The following MYO9A variants were observed in gnomAD, a reference collection of about 807,000 sequenced individuals.
MYO9A encodes the protein unconventional myosin-IXa.
MYO9A carries 103 observed loss-of-function variants against 293.3 expected under a neutral mutation model. That is an observed-to-expected ratio of 0.35 (90% CI 0.30 to 0.41). MYO9A has a LOEUF of 0.41. Ranked by LOEUF, MYO9A falls within the 10% of genes least tolerant of loss-of-function variation. MYO9A has a pLI of 1.00. For missense variants in MYO9A, 2,685 were observed against 3,033.0 expected (o/e 0.89, Z 2.69); for synonymous variants, 1,001 against 1,035.7 (o/e 0.97, Z 0.64).
chr15:71,881,375 G>A (rs980763387), intron 28 of MYO9A, among the ~76,000 whole-genome samples: 1 of 151,808 alleles, frequency 6.6e-6, no homozygotes, highest in African/African-American at 2.4e-5. Context: ...GGTATATCCT[G>A]ATTCTATCCA....
chr15:72,005,485 A>G (rs1461282373), intron 8 of MYO9A, among the ~76,000 whole-genome samples: 1 of 152,220 alleles, frequency 6.6e-6, no homozygotes, highest in Non-Finnish European at 1.5e-5. Flanking sequence ...CTTGACTAAA[A>G]TATCACCTGA....
chr15:72,071,566 C>A (rs1458469769), intron 1 of MYO9A, among the ~76,000 whole-genome samples: 1 of 152,044 alleles, frequency 6.6e-6, no homozygotes, highest in East Asian at 1.9e-4. Context: ...CATGGTGAAA[C>A]CCCGTCTCTA....
intron 1 of MYO9A, among the ~76,000 whole-genome samples, chr15:72,078,702 A>G (rs2150329203): frequency 6.6e-6 from 1 of 152,278 alleles, no homozygotes; most frequent in South Asian, 2.1e-4. Context: ...CGGTAGCTTT[A>G]TTTATGATTG....
At chr15:71,953,336 A>G (rs2059097937) in intron 14 of MYO9A, among the ~76,000 whole-genome samples, 2 of 152,206 alleles carry the variant, frequency 1.3e-5, no homozygotes, top group Non-Finnish European at 2.9e-5. Flanking sequence ...CCAGTTGAGG[A>G]AAAAACACCC....
At chr15:71,886,377 A>T (rs2057021289) in intron 27 of MYO9A, among the ~76,000 whole-genome samples, 1 of 151,992 alleles carries the variant, frequency 6.6e-6, no homozygotes, top group South Asian at 2.1e-4. Flanking sequence ...AAACTCTTTG[A>T]ACCATTTGCT....
At chr15:71,948,210 G>T (rs1166411753) in intron 15 of MYO9A, among the ~76,000 whole-genome samples, 1 of 152,172 alleles carries the variant, frequency 6.6e-6, no homozygotes, top group Non-Finnish European at 1.5e-5. Flanking sequence ...AATAATGTCA[G>T]ATTTTTTACT....
chr15:71,828,447 T>C (rs961881027), intron 40 of MYO9A, among the ~76,000 whole-genome samples: 2 of 152,214 alleles, frequency 1.3e-5, no homozygotes, highest in African/African-American at 2.4e-5. Context: ...CTAAGATTCC[T>C]TCCAGCTCTT....
At chr15:71,838,271 G>A (rs138298832) in intron 39 of MYO9A, among the ~76,000 whole-genome samples, 2 of 152,064 alleles carry the variant, frequency 1.3e-5, no homozygotes, top group African/African-American at 4.8e-5. Context: ...CTTATGGTAC[G>A]TCACTTCCCT....
At position 72,054,871 on chromosome 15, in the gene MYO9A, C is replaced by T. The variant is rs145596984; in HGVS notation, c.-71-8237G>A. ...AAGCAAGACTAAATGAGATTAAGGT[C>T]AAAGGTGGACAGATGTCTCTCAGAA... is the stretch of plus-strand genomic sequence containing the variant. On this transcript the variant is annotated intron_variant, in intron 1 of 41. Transcript: ENST00000356056. 2.1e-3 allele frequency among the ~76,000 whole-genome samples: 305 copies of T among 146,726 alleles called. 1 individual carries two copies. Among genetic ancestry groups the T allele is most frequent in the African/African-American group, 7.5e-3 (295 of 39,524 alleles).
At chr15:72,014,547 G>T (rs894555604) in intron 6 of MYO9A, among the ~76,000 whole-genome samples, 1 of 152,052 alleles carries the variant, frequency 6.6e-6, no homozygotes, top group Non-Finnish European at 1.5e-5. Flanking sequence ...TTAGCCAGGC[G>T]TGGTGCCGGG....
At chr15:72,111,837 G>A (rs933365046) in intron 1 of MYO9A, among the ~76,000 whole-genome samples, 12 of 151,974 alleles carry the variant, frequency 7.9e-5, no homozygotes, top group African/African-American at 2.9e-4. Flanking sequence ...GTAGAGACAA[G>A]GTCTCCTATG....
At chr15:71,894,951 T>A (rs1392527145) in intron 25 of MYO9A, among the ~76,000 whole-genome samples, 1 of 152,222 alleles carries the variant, frequency 6.6e-6, no homozygotes, top group Admixed American at 6.5e-5. Context: ...AATTAGACAC[T>A]AACTTATGAT....
At chr15:71,974,264 G>A (rs1402619874) in intron 12 of MYO9A, among the ~76,000 whole-genome samples, 1 of 152,188 alleles carries the variant, frequency 6.6e-6, no homozygotes, top group Admixed American at 6.5e-5. Context: ...GGAGTAGGAT[G>A]GGCAATTAAA....
intron 31 of MYO9A, among the ~76,000 whole-genome samples, chr15:71,876,685 C>A (rs2056704147): frequency 6.6e-6 from 1 of 152,030 alleles, no homozygotes; most frequent in Non-Finnish European, 1.5e-5. Flanking sequence ...CTGCTCACCT[C>A]AGCCTCCCAA....
chr15:71,967,834 G>A lies in MYO9A; in HGVS notation c.1986+150C>T. ...ACCTAAGACAGTAATGTGCTGAAAA[G>A]CAGAATCTAAGTTTTAGTAGTATCT... On this transcript the variant is annotated intron_variant, in intron 13 of 41. Transcript: ENST00000356056. 2 of 755,704 alleles carry A rather than the reference G, an allele frequency of 2.6e-6. 1 individual carries two copies. The highest frequency in any genetic ancestry group is 3.8e-6 in the Non-Finnish European group (2 of 522,398). The allele number at this position is 755,704 out of a possible 1,614,324, so 46.8% of individuals were successfully genotyped here. A position where few individuals can be genotyped will look rare whatever the true frequency, so the allele number is the denominator to read the frequency against.
intron 5 of MYO9A, among the ~76,000 whole-genome samples, chr15:72,020,034 G>A (rs1390568506): frequency 6.6e-6 from 1 of 152,114 alleles, no homozygotes; most frequent in African/African-American, 2.4e-5. Context: ...TTACAGGTGT[G>A]AGCCACTGCA....
Position 72,101,034 on chromosome 15 carries a change from C to T in MYO9A, c.-72+16646G>A, listed in dbSNP as rs1209865210. 5.0e-5 allele frequency among the ~76,000 whole-genome samples: 7 copies of T among 141,320 alleles called. No individual in the cohort carries two copies. The South Asian group carries it at 6.9e-4, about 14-fold the overall frequency. The allele number at this position is 141,320 out of a possible 152,430, so 92.7% of individuals were successfully genotyped here. A position where few individuals can be genotyped will look rare whatever the true frequency, so the allele number is the denominator to read the frequency against. On this transcript the variant is annotated intron_variant, in intron 1 of 41. Coordinates refer to ENST00000356056, the MANE Select transcript of MYO9A (RefSeq NM_006901.4). Reference sequence around the variant, plus strand: ...GAGGGAGGTAGGCGGGTCAGCCCCCCGCCCGGCCAGCCGCCCCGTCAGGGA... The same window carrying T: ...GAGGGAGGTAGGCGGGTCAGCCCCCTGCCCGGCCAGCCGCCCCGTCAGGGA...
chr15:71,929,304 A>G (rs1287996716), intron 18 of MYO9A, among the ~76,000 whole-genome samples: 1 of 152,160 alleles, frequency 6.6e-6, no homozygotes, highest in Non-Finnish European at 1.5e-5. Flanking sequence ...GTGGCTAACA[A>G]TTCCAGTAAT....
intron 9 of MYO9A, among the ~76,000 whole-genome samples, chr15:71,996,468 T>C (rs1249649278): frequency 6.6e-6 from 1 of 152,228 alleles, no homozygotes. Flanking sequence ...TTCTCTGAAA[T>C]GCATGTCTGT....
Sources: gnomAD v4.1 joint callset for allele counts (sites outside exome capture counted in the v4.1 genomes callset) on GRCh38, gnomAD v4.1.1 for gene constraint, MANE v1.5 for transcripts, NCBI Gene and HGNC (gene_info 2026-07-23, HGNC 2026-07-21) for gene names.